Variants in SLC25A48 observed in about 807,000 individuals in gnomAD.
The protein encoded by SLC25A48 is solute carrier family 25 member 48.
Under a neutral mutation model 32.2 loss-of-function variants are expected in SLC25A48, and 29 were observed. The ratio of observed to expected loss-of-function variants is 0.90; its 90% CI spans 0.67 to 1.23. The LOEUF (loss-of-function observed/expected upper bound fraction) is 1.23. SLC25A48 is among the 50% of genes most tolerant of loss of function. The pLI is 0.00. For missense variants in SLC25A48, 399 were observed against 422.7 expected, an observed-to-expected ratio of 0.94 and a Z score of 0.49; for synonymous variants, 164 against 172.3, an observed-to-expected ratio of 0.95 and a Z score of 0.38.
intron 3 of SLC25A48, among the ~76,000 whole-genome samples, chr5:135,679,144 G>T (rs909406882): frequency 1.3e-5 from 2 of 152,140 alleles, no homozygotes; most frequent in Non-Finnish European, 2.9e-5. Flanking sequence ...GTCCCAAGTG[G>T]TCCATTTTGG....
Position 135,886,634 on chromosome 5 carries a change from T to TATATATAA in SLC25A48, c.*8-1395_*8-1394insTATAAATA, listed in dbSNP as rs1554088453. Among the ~76,000 whole-genome samples, 181 of 29,086 alleles carry TATATATAA rather than the reference T, an allele frequency of 6.2e-3. 7 individuals are homozygous for TATATATAA. The highest frequency in any genetic ancestry group is 0.013 in the Middle Eastern group (1 of 78). 19.1% of individuals were successfully genotyped at this position (29,086 alleles called of 152,430 possible). A position where few individuals can be genotyped will look rare whatever the true frequency, so the allele number is the denominator to read the frequency against. On this transcript the variant is annotated intron_variant, in intron 7 of 7. Transcript: ENST00000681962. ...ATATATATATATATATATATATATA[T>TATATATAA]ATAAAATATATATATGTGTGTGTGT...
intron 3 of SLC25A48, among the ~76,000 whole-genome samples, chr5:135,799,951 G>C (rs1281872846): frequency 6.6e-6 from 1 of 151,648 alleles, no homozygotes; most frequent in East Asian, 1.9e-4. Context: ...CTAACATCTA[G>C]ATAAGAAGAG....
At chr5:135,608,526 TC>T (rs1308718225) in intron 1 of SLC25A48, among the ~76,000 whole-genome samples, 5 of 152,174 alleles carry the variant, frequency 3.3e-5, no homozygotes, top group South Asian at 4.1e-4. Context: ...GAAAGCTGGG[TC>T]CATTGGAGGA....
At chr5:135,832,818 T>C (rs1307366673), upstream of SLC25A48, among the ~76,000 whole-genome samples, 7 of 152,264 alleles carry the variant, frequency 4.6e-5, no homozygotes, top group African/African-American at 1.2e-4. Context: ...GAGGTCATCA[T>C]TGGGGAAGGA....
intron 3 of SLC25A48, among the ~76,000 whole-genome samples, chr5:135,668,056 T>C (rs188458483): frequency 1.3e-5 from 2 of 152,072 alleles, no homozygotes; most frequent in Non-Finnish European, 2.9e-5. Context: ...AGTGCAAGAG[T>C]CCAGTGGAAG....
At chr5:135,693,008 C>G (rs1448778493) in intron 3 of SLC25A48, among the ~76,000 whole-genome samples, 1 of 152,156 alleles carries the variant, frequency 6.6e-6, no homozygotes, top group African/African-American at 2.4e-5. Flanking sequence ...ATTAAATGCT[C>G]AAAACAAATT....
chr5:135,633,552 C>T (rs1485525234), intron 2 of SLC25A48, among the ~76,000 whole-genome samples: 1 of 151,992 alleles, frequency 6.6e-6, no homozygotes, highest in Non-Finnish European at 1.5e-5. Context: ...CAGAACCATG[C>T]TGTCTCTTGA....
Position 135,879,834 on chromosome 5 carries a change from T to C in SLC25A48, c.814-134T>C, listed in dbSNP as rs532966529. The stretch of plus-strand genomic sequence containing the variant: ...GGGACTTCCCTGTGTGGTCTCTGCC[T>C]GCACAGGTCCTTTGGGCTCTGGTGG... On this transcript the variant is annotated intron_variant, in intron 6 of 7. Coordinates refer to ENST00000681962, the MANE Select transcript of SLC25A48 (RefSeq NM_001349336.2). 10 of 1,290,304 alleles carry C rather than the reference T, an allele frequency of 7.8e-6. No homozygotes were observed. In the South Asian group the frequency reaches 1.5e-4, roughly 20 times the overall value. The allele number at this position is 1,290,304 out of a possible 1,614,324, so 79.9% of individuals were successfully genotyped here.
At chr5:135,769,119 G>A (rs772949560) in intron 3 of SLC25A48, among the ~76,000 whole-genome samples, 25 of 151,268 alleles carry the variant, frequency 1.7e-4, no homozygotes, top group Admixed American at 3.3e-4. Flanking sequence ...TCAGGCAGGG[G>A]GAAAATGCTA....
At chr5:135,861,011 T>C (rs78588217) in intron 4 of SLC25A48, among the ~76,000 whole-genome samples, 2,044 of 152,248 alleles carry the variant, frequency 0.013, 37 homozygotes, top group African/African-American at 0.043. Flanking sequence ...TGATTGTCTC[T>C]TAGTGGTGAT....
At chr5:135,800,156 A>T (rs1375176123) in intron 3 of SLC25A48, among the ~76,000 whole-genome samples, 1 of 151,430 alleles carries the variant, frequency 6.6e-6, no homozygotes, top group Non-Finnish European at 1.5e-5. Flanking sequence ...CCCGCCTGTG[A>T]TATTGCTTTT....
chr5:135,769,286 G>A (rs1031163911), intron 3 of SLC25A48, among the ~76,000 whole-genome samples: 1 of 151,150 alleles, frequency 6.6e-6, no homozygotes, highest in Non-Finnish European at 1.5e-5. Flanking sequence ...ATTACTGACA[G>A]CATCACGGGT....
At position 135,780,235 on chromosome 5, in the gene SLC25A48, C is replaced by T. The variant is rs560445350; in HGVS notation, c.-520-32288C>T. Among the ~76,000 whole-genome samples, 372 of 104,636 alleles carry T rather than the reference C, an allele frequency of 3.6e-3. 88 individuals carry two copies. The highest frequency in any genetic ancestry group is 6.1e-3 in the Non-Finnish European group (257 of 42,350). 68.6% of individuals were successfully genotyped at this position (104,636 alleles called of 152,430 possible). On this transcript the variant is annotated intron_variant, in intron 3 of 10. Transcript: ENST00000646290. Reference sequence around the variant, plus strand: ...TCAAGTAGCTGGGACTACAGGCGCCCGCCACCACGGCCGGTTAATTTTTTG... The same window carrying T: ...TCAAGTAGCTGGGACTACAGGCGCCTGCCACCACGGCCGGTTAATTTTTTG...
chr5:135,627,891 C>T (rs554456943), intron 1 of SLC25A48, among the ~76,000 whole-genome samples: 6 of 152,272 alleles, frequency 3.9e-5, no homozygotes, highest in African/African-American at 1.2e-4. Flanking sequence ...CAACTCTTCT[C>T]AGCAAAAAGA....
intron 3 of SLC25A48, among the ~76,000 whole-genome samples, chr5:135,659,718 T>C (rs924708281): frequency 3.9e-5 from 6 of 152,198 alleles, no homozygotes; most frequent in Non-Finnish European, 8.8e-5. Flanking sequence ...ACAGGAAGCA[T>C]GCCTGGGGAA....
intron 3 of SLC25A48, among the ~76,000 whole-genome samples, chr5:135,672,257 G>T (rs976786419): frequency 1.2e-4 from 18 of 152,160 alleles, no homozygotes; most frequent in African/African-American, 4.3e-4. Flanking sequence ...GGTTTCCGAG[G>T]GATATTAAAG....
chr5:135,788,361 C>G (rs928770988), intron 3 of SLC25A48, among the ~76,000 whole-genome samples: 159 of 83,674 alleles, frequency 1.9e-3, no homozygotes, highest in African/African-American at 5.1e-3. Context: ...GGGGTGTACA[C>G]CCCCCCGCCA....
chr5:135,769,017 C>A (rs575588619), intron 3 of SLC25A48, among the ~76,000 whole-genome samples: 1 of 151,266 alleles, frequency 6.6e-6, no homozygotes. Flanking sequence ...CACACCTCTG[C>A]GATCTTGTTT....
intron 1 of SLC25A48, among the ~76,000 whole-genome samples, chr5:135,623,522 G>A (rs1228454047): frequency 6.6e-6 from 1 of 152,172 alleles, no homozygotes; most frequent in Non-Finnish European, 1.5e-5. Context: ...TATAAATTGG[G>A]TATGGACTCC....
Sources: allele counts gnomAD v4.1 joint callset (sites outside exome capture counted in the v4.1 genomes callset), GRCh38; gene constraint gnomAD v4.1.1; transcripts MANE v1.5; gene names NCBI Gene and HGNC (gene_info 2026-07-23, HGNC 2026-07-21).